The following KCNQ1 variants were observed in gnomAD, a reference collection of about 807,000 sequenced individuals.
KCNQ1 encodes potassium voltage-gated channel subfamily KQT member 1.
A neutral mutation model predicts 72.4 loss-of-function variants in KCNQ1; 49 were observed. The observed-to-expected ratio is 0.68, with a 90% confidence interval of 0.54 to 0.86. The LOEUF (loss-of-function observed/expected upper bound fraction) is 0.86. Among genes scored for constraint, KCNQ1 ranks in the 40% least tolerant of loss-of-function variants. The pLI is 0.00. For synonymous variants in KCNQ1, 450 were observed against 412.6 expected (o/e 1.09, Z -1.10); for missense variants, 790 against 945.1 (o/e 0.84, Z 2.15).
intron 11 of KCNQ1, among the ~76,000 whole-genome samples, chr11:2,741,808 C>T (rs907041309): frequency 6.6e-6 from 1 of 152,202 alleles, no homozygotes; most frequent in Non-Finnish European, 1.5e-5. Context: ...AGGGATCCTC[C>T]GCCTGTGGTT....
rs908880388 is a variant in KCNQ1 at position 2,611,561 on chromosome 11, G to T, written c.1393+22707G>T. 7.5e-6 allele frequency: 3 copies of T among 398,328 alleles called. No individual in the cohort carries two copies. The highest frequency in any genetic ancestry group is 3.6e-5 in the East Asian group (1 of 28,090). 24.7% of individuals were successfully genotyped at this position (398,328 alleles called of 1,614,324 possible). ...CACTCTAGCTTTCTTATTACTGTTT[G>T]CATGTCATCTTTTTCCATCATTTTA... On this transcript the variant is annotated intron_variant, in intron 10 of 15. Coordinates refer to ENST00000155840, the MANE Select transcript of KCNQ1 (RefSeq NM_000218.3). This position sits in a 1 kb window ranked among gnomAD's most constrained non-coding sequence, Gnocchi z 5.3.
chr11:2,448,955 C>T (rs1307284660), intron 1 of KCNQ1, among the ~76,000 whole-genome samples: 1 of 152,208 alleles, frequency 6.6e-6, no homozygotes, highest in African/African-American at 2.4e-5. Flanking sequence ...GTCCAGGTGG[C>T]AAGAGCCTAG....
rs888726733 is a variant in KCNQ1 at position 2,740,013 on chromosome 11, G to A, written c.1515-28831G>A. Among the ~76,000 whole-genome samples the A allele has an allele frequency of 3.3e-5, 5 of 152,258 alleles. No individual in the cohort carries two copies. In the East Asian group the frequency reaches 7.7e-4, roughly 23 times the overall value. ...GAGCAGGCTCCTTGTGGAGCTGTGC[G>A]GAGCTGGCCGGCCTGGTCCCCGTGG... is the stretch of plus-strand genomic sequence containing the variant. On this transcript the variant is annotated intron_variant, in intron 11 of 15. Coordinates refer to ENST00000155840, the MANE Select transcript of KCNQ1 (RefSeq NM_000218.3).
rs557879449 is a variant in KCNQ1, at chr11:2,812,494, T to G, written c.1794+34457T>G. On this transcript the variant is annotated intron_variant, in intron 15 of 15. Transcript: ENST00000155840. ...GGCCCCTGATCTTCCTACTGCAGCCTCTGCCGGGGCCGGAAGGGCATTTCC... is the reference window on the plus strand; with the variant it reads ...GGCCCCTGATCTTCCTACTGCAGCCGCTGCCGGGGCCGGAAGGGCATTTCC... 2.6e-5 allele frequency among the ~76,000 whole-genome samples: 4 copies of G among 152,328 alleles called. No homozygotes were observed. The East Asian group carries it at 7.8e-4, about 30-fold the overall frequency.
chr11:2,777,583 C>T (rs1846730617), intron 14 of KCNQ1: 4 of 537,138 alleles, frequency 7.4e-6, no homozygotes, highest in Non-Finnish European at 1.3e-5. Flanking sequence ...CAAACAGCAG[C>T]CACGGCTCAT....
Position 2,817,148 on chromosome 11 carries a change from C to A in KCNQ1, c.1795-30619C>A, listed in dbSNP as rs1225755987. On this transcript the variant is annotated intron_variant, in intron 15 of 15. Transcript: ENST00000155840. This position sits in a 1 kb window ranked among gnomAD's most constrained non-coding sequence, Gnocchi z 6.1. Reference sequence around the variant, plus strand: ...CCTGCACCCGGCTCTGCTCCACAGGCCAACTCTGCGCACGCTCCTTTCAAG... The same window carrying A: ...CCTGCACCCGGCTCTGCTCCACAGGACAACTCTGCGCACGCTCCTTTCAAG... Among the ~76,000 whole-genome samples, 1 of 152,218 alleles carries A rather than the reference C, an allele frequency of 6.6e-6. No individual in the cohort carries two copies. Among genetic ancestry groups the A allele is most frequent in the African/African-American group, 2.4e-5 (1 of 41,468 alleles).
intron 1 of KCNQ1, among the ~76,000 whole-genome samples, chr11:2,460,245 C>T (rs899345487): frequency 4.6e-5 from 7 of 152,004 alleles, no homozygotes; most frequent in African/African-American, 7.2e-5. Context: ...GTGGGCAGGC[C>T]GGGCAGGGTG....
At chr11:2,761,437 G>A (rs1846394669) in intron 11 of KCNQ1, among the ~76,000 whole-genome samples, 1 of 152,144 alleles carries the variant, frequency 6.6e-6, no homozygotes. Flanking sequence ...CACGGGATGG[G>A]AGCATGGCAG....
At chr11:2,796,626 C>T (rs1847138394) in intron 15 of KCNQ1, among the ~76,000 whole-genome samples, 1 of 152,196 alleles carries the variant, frequency 6.6e-6, no homozygotes, top group Non-Finnish European at 1.5e-5. Context: ...CCCACTCAGC[C>T]CCTCGGGGCC....
rs1000619098 is a variant in KCNQ1 at position 2,828,506 on chromosome 11, G to C, written c.1795-19261G>C. Among the ~76,000 whole-genome samples the C allele has an allele frequency of 1.3e-5, 2 of 152,196 alleles. No homozygotes were observed. Among genetic ancestry groups the C allele is most frequent in the African/African-American group, 4.8e-5 (2 of 41,436 alleles). On this transcript the variant is annotated intron_variant, in intron 15 of 15. Coordinates refer to ENST00000155840, the MANE Select transcript of KCNQ1 (RefSeq NM_000218.3). The surrounding 1 kb of genome is among the most constrained non-coding windows in gnomAD (Gnocchi z 5.3). Reference sequence around the variant, plus strand: ...ATGGAGACTGGCCTAGGAGACTGGAGAGGGTAGACACCAAGCCCTGCAGGA... The same window carrying C: ...ATGGAGACTGGCCTAGGAGACTGGACAGGGTAGACACCAAGCCCTGCAGGA...
chr11:2,674,040 C>G lies in KCNQ1; in HGVS notation c.1514+11959C>G. The G allele has an allele frequency of 2.5e-6, 1 of 398,486 alleles. No individual in the cohort carries two copies. Among genetic ancestry groups the G allele is most frequent in the Non-Finnish European group, 4.4e-6 (1 of 226,048 alleles). The allele number at this position is 398,486 out of a possible 1,614,324, so 24.7% of individuals were successfully genotyped here. On this transcript the variant is annotated intron_variant, in intron 11 of 15. Transcript: ENST00000155840. The surrounding 1 kb of genome is among the most constrained non-coding windows in gnomAD (Gnocchi z 5.9). ...GGCTCTTTGGGCCTGGGGTGCAGCCCCTCATTTGTACTTGCTGGCTGCCCC... is the reference window on the plus strand; with the variant it reads ...GGCTCTTTGGGCCTGGGGTGCAGCCGCTCATTTGTACTTGCTGGCTGCCCC...
intron 1 of KCNQ1, among the ~76,000 whole-genome samples, chr11:2,504,922 A>G (rs1847078727): frequency 6.6e-6 from 1 of 152,192 alleles, no homozygotes. Flanking sequence ...ATGTACCCAC[A>G]AAAAGCAAAA....
At position 2,827,994 on chromosome 11, in the gene KCNQ1, T is replaced by C. The variant is rs556962556; in HGVS notation, c.1795-19773T>C. Among the ~76,000 whole-genome samples the C allele has an allele frequency of 2.0e-5, 3 of 152,258 alleles. No individual in the cohort carries two copies. Among genetic ancestry groups the C allele is most frequent in the African/African-American group, 7.2e-5 (3 of 41,530 alleles). ...AGGCACCACCGGGCACATAGAGGTC[T>C]TGAAAGCTCGAATGTGGGGAGGCCA... On this transcript the variant is annotated intron_variant, in intron 15 of 15. Coordinates refer to ENST00000155840, the MANE Select transcript of KCNQ1 (RefSeq NM_000218.3). The surrounding 1 kb of genome is among the most constrained non-coding windows in gnomAD (Gnocchi z 6.7).
At position 2,587,669 on chromosome 11, in the gene KCNQ1, C is replaced by A; in HGVS notation, c.1228C>A (p.Pro410Thr). 1 of 1,613,858 alleles carries A rather than the reference C, an allele frequency of 6.2e-7. No homozygotes were observed. The highest frequency in any genetic ancestry group is 8.5e-7 in the Non-Finnish European group (1 of 1,180,020). The change falls in exon 9 of 16, where the codon CCC becomes ACC. Residue 410 changes from proline (P) to threonine (T), a missense_variant. By Grantham distance (38) the Pro-to-Thr change is conservative. Around this residue, in one of 5 missense-constraint regions of KCNQ1, gnomAD observed 178 missense variants for 177.9 expected, o/e 1.00. Coordinates refer to ENST00000155840, the MANE Select transcript of KCNQ1 (RefSeq NM_000218.3). ...GAGCCACACTCTGCTGTCACCCAGC[C>A]CCAAACCCAAGAAGTCTGTGGTGGT... ...PRSHTLLSPS[P>T]KPKKSVVVKK...
At position 2,536,631 on chromosome 11, in the gene KCNQ1, AC is replaced by A. The variant is rs1433669776; in HGVS notation, c.477+8614del. On this transcript the variant is annotated intron_variant, in intron 2 of 15. Transcript: ENST00000155840. The surrounding 1 kb of genome is among the most constrained non-coding windows in gnomAD (Gnocchi z 7.4). ...GAACCCAACAGAGCTGGTTTGGGCC[AC>A]AGCAGTGGCTTCCCAGGCTGGGCTT... 3.3e-5 allele frequency among the ~76,000 whole-genome samples: 5 copies of A among 152,200 alleles called. No homozygotes were observed. The highest frequency in any genetic ancestry group is 1.2e-4 in the African/African-American group (5 of 41,464).
In KCNQ1 at chr11:2,687,670, C is replaced by T. The variant is rs989219807; in HGVS notation, c.1514+25589C>T. On this transcript the variant is annotated intron_variant, in intron 11 of 15. Transcript: ENST00000155840. This position sits in a 1 kb window ranked among gnomAD's most constrained non-coding sequence, Gnocchi z 5.0. ...TGGGACCTGTCCTTGCCAGCCAGGT[C>T]TCAGGGAGCTCAGGGTTCAGTGTTG... The T allele has an allele frequency of 2.5e-6, 1 of 398,702 alleles. No homozygotes were observed. The highest frequency in any genetic ancestry group is 2.1e-5 in the African/African-American group (1 of 48,754). The allele number at this position is 398,702 out of a possible 1,614,324, so 24.7% of individuals were successfully genotyped here. A position where few individuals can be genotyped will look rare whatever the true frequency, so the allele number is the denominator to read the frequency against.
chr11:2,831,218 G>A (rs1241710405), intron 15 of KCNQ1, among the ~76,000 whole-genome samples: 1 of 152,218 alleles, frequency 6.6e-6, no homozygotes, highest in Non-Finnish European at 1.5e-5. Flanking sequence ...GCCATCGGGT[G>A]CAGGGCAGGA....
chr11:2,645,227 C>A lies in KCNQ1; in HGVS notation c.1394-16734C>A, dbSNP rs935206874. 1 of 398,644 alleles carries A rather than the reference C, an allele frequency of 2.5e-6. No individual in the cohort carries two copies. The highest frequency in any genetic ancestry group is 4.4e-6 in the Non-Finnish European group (1 of 226,146). The allele number at this position is 398,644 out of a possible 1,614,324, so 24.7% of individuals were successfully genotyped here. A position where few individuals can be genotyped will look rare whatever the true frequency, so the allele number is the denominator to read the frequency against. The stretch of plus-strand genomic sequence containing the variant: ...AGCTTGTCCCAAGGCCCACAGGTGG[C>A]AAATTCAAGTGAATGCCAGTTGTGG... On this transcript the variant is annotated intron_variant, in intron 10 of 15. Coordinates refer to ENST00000155840, the MANE Select transcript of KCNQ1 (RefSeq NM_000218.3). The surrounding 1 kb of genome is among the most constrained non-coding windows in gnomAD (Gnocchi z 5.8).
In KCNQ1 at chr11:2,678,391, A is replaced by G. The variant is rs1045826607; in HGVS notation, c.1514+16310A>G. The G allele has an allele frequency of 1.3e-5, 5 of 398,432 alleles. No homozygotes were observed. Among genetic ancestry groups the G allele is most frequent in the African/African-American group, 2.1e-5 (1 of 48,610 alleles). 24.7% of individuals were successfully genotyped at this position (398,432 alleles called of 1,614,324 possible). ...AATTAAATCCAATTTGGTTTCCCAT[A>G]TATTTGTCCAGTTGTCCAACACTAT... On this transcript the variant is annotated intron_variant, in intron 11 of 15. Transcript: ENST00000155840. This position sits in a 1 kb window ranked among gnomAD's most constrained non-coding sequence, Gnocchi z 4.9.
Sources: allele counts gnomAD v4.1 joint callset (sites outside exome capture counted in the v4.1 genomes callset), GRCh38; gene constraint gnomAD v4.1.1; regional missense constraint gnomAD v4.1.1; non-coding constraint Gnocchi (gnomAD v3.1); transcripts MANE v1.5; gene names NCBI Gene and HGNC (gene_info 2026-07-23, HGNC 2026-07-21).